Variants in PEPD observed in about 807,000 individuals in gnomAD.
PEPD encodes the protein xaa-Pro dipeptidase.
PEPD carries 53 observed loss-of-function variants against 60.7 expected under a neutral mutation model. The ratio of observed to expected loss-of-function variants is 0.87; its 90% CI spans 0.70 to 1.10. The LOEUF (loss-of-function observed/expected upper bound fraction) is 1.10. Among genes scored for constraint, PEPD ranks in the 50% least tolerant of loss-of-function variants. The pLI is 0.00. For synonymous variants in PEPD, 267 were observed against 284.1 expected (o/e 0.94, Z 0.60); for missense variants, 711 against 711.9 (o/e 1.00, Z 0.01).
intron 9 of PEPD, among the ~76,000 whole-genome samples, chr19:33,428,572 C>A (rs1969201816): frequency 6.6e-6 from 1 of 152,208 alleles, no homozygotes; most frequent in Admixed American, 6.5e-5. Flanking sequence ...CCATCCAAAA[C>A]CACCGTGGGC....
intron 12 of PEPD, among the ~76,000 whole-genome samples, chr19:33,393,525 C>A (rs1349577685): frequency 6.9e-6 from 1 of 145,730 alleles, no homozygotes; most frequent in Non-Finnish European, 1.5e-5. Flanking sequence ...CAAACAGCCC[C>A]ACCTCCGTGA....
At chr19:33,510,312 G>A (rs1473022651) in intron 3 of PEPD, among the ~76,000 whole-genome samples, 1 of 152,192 alleles carries the variant, frequency 6.6e-6, no homozygotes, top group African/African-American at 2.4e-5. Flanking sequence ...AGGCAAGAAG[G>A]AAGGGAGAAG....
chr19:33,442,573 G>A (rs1366269621), intron 9 of PEPD, among the ~76,000 whole-genome samples: 1 of 151,192 alleles, frequency 6.6e-6, no homozygotes, highest in African/African-American at 2.4e-5. Context: ...GCCGGGCGTG[G>A]TGGCACACAC....
intron 6 of PEPD, among the ~76,000 whole-genome samples, chr19:33,486,510 C>T (rs1970399543): frequency 6.6e-6 from 1 of 152,092 alleles, no homozygotes; most frequent in African/African-American, 2.4e-5. Flanking sequence ...AGCCCAGGGG[C>T]CTCAGTCCAC....
Position 33,458,073 on chromosome 19 carries a change from T to TGTGTATG in PEPD, c.671+4921_671+4922insCATACAC, listed in dbSNP as rs1424848960. 8.2e-4 allele frequency among the ~76,000 whole-genome samples: 125 copies of TGTGTATG among 152,034 alleles called. 1 individual carries two copies. The highest frequency in any genetic ancestry group is 8.2e-3 in the Admixed American group (125 of 15,280). On this transcript the variant is annotated intron_variant, in intron 9 of 14. Coordinates refer to ENST00000244137, the MANE Select transcript of PEPD (RefSeq NM_000285.4). ...CATGTGGTGGGTGGCGTGTGTATGG[T>TGTGTATG]GTGTAGTGTGTGTATGGGGATGGTG...
intron 1 of PEPD, 78 bp from the exon 2 acceptor site, chr19:33,512,854 G>T: frequency 1.3e-6 from 2 of 1,529,586 alleles, no homozygotes; most frequent in African/African-American, 1.4e-5. Context: ...AGGTCGGGGT[G>T]ACCGGAGGCC....
chr19:33,429,393 G>A (rs1271706997), intron 9 of PEPD, among the ~76,000 whole-genome samples: 1 of 152,214 alleles, frequency 6.6e-6, no homozygotes, highest in Non-Finnish European at 1.5e-5. Context: ...AAAGACAACA[G>A]GTCACTTAGT....
rs903781564 is a variant in PEPD, at chr19:33,417,830, T to A, written c.672-4187A>T. ...CCTTTAAAACCAAACAGAATCTGCA[T>A]AGGTCCACGGCCCGGACACCCACTC... On this transcript the variant is annotated intron_variant, in intron 9 of 14. Transcript: ENST00000244137. Among the ~76,000 whole-genome samples the A allele has an allele frequency of 2.0e-5, 3 of 152,180 alleles. No individual in the cohort carries two copies. In the East Asian group the frequency reaches 5.8e-4, roughly 29 times the overall value.
chr19:33,414,223 T>A (rs1018916674), intron 9 of PEPD, among the ~76,000 whole-genome samples: 2 of 152,140 alleles, frequency 1.3e-5, no homozygotes, highest in African/African-American at 4.8e-5. Context: ...GGGGCACACA[T>A]CCTGCTTCTC....
At position 33,405,470 on chromosome 19, in the gene PEPD, A is replaced by T. The variant is rs369609601; in HGVS notation, c.819-3601T>A. ...AGAAGCACTGCAGACTCCGATGTGC[A>T]GCTGCCCTGGTCAGTGTCCCAGGCC... On this transcript the variant is annotated intron_variant, in intron 11 of 14. Transcript: ENST00000244137. Among the ~76,000 whole-genome samples the T allele has an allele frequency of 9.2e-5, 14 of 152,376 alleles. No homozygotes were observed. In the East Asian group the frequency reaches 2.3e-3, roughly 25 times the overall value.
At chr19:33,447,689 G>A (rs759921586) in intron 9 of PEPD, among the ~76,000 whole-genome samples, 1 of 152,190 alleles carries the variant, frequency 6.6e-6, no homozygotes, top group South Asian at 2.1e-4. Context: ...GTGGGGCCAG[G>A]CCAGTTTCCC....
intron 12 of PEPD, among the ~76,000 whole-genome samples, chr19:33,395,687 G>C (rs1479274110): frequency 1.3e-5 from 2 of 152,220 alleles, no homozygotes; most frequent in African/African-American, 4.8e-5. Flanking sequence ...CTCCTACCCG[G>C]AGTGTGACAG....
At chr19:33,395,671 C>T (rs1968343221) in intron 12 of PEPD, among the ~76,000 whole-genome samples, 1 of 152,222 alleles carries the variant, frequency 6.6e-6, no homozygotes, top group Non-Finnish European at 1.5e-5. Flanking sequence ...ATCACAGCCC[C>T]GAGGCCTCCT....
At chr19:33,398,696 C>T (rs1158857843) in intron 12 of PEPD, among the ~76,000 whole-genome samples, 2 of 152,238 alleles carry the variant, frequency 1.3e-5, no homozygotes, top group Admixed American at 1.3e-4. Context: ...GAAGGAGTGG[C>T]GCCCCTGGGC....
intron 9 of PEPD, among the ~76,000 whole-genome samples, chr19:33,458,960 G>A (rs570292790): frequency 4.0e-5 from 6 of 151,802 alleles, no homozygotes; most frequent in Admixed American, 1.3e-4. Context: ...CTCGAGGGGC[G>A]CTGGGCACAC....
chr19:33,405,116 G>A (rs1305106673), intron 11 of PEPD, among the ~76,000 whole-genome samples: 1 of 152,202 alleles, frequency 6.6e-6, no homozygotes, highest in African/African-American at 2.4e-5. Context: ...CAAACAACGT[G>A]CTGGCGTCTC....
chr19:33,439,158 G>A (rs1969436390), intron 9 of PEPD, among the ~76,000 whole-genome samples: 1 of 152,234 alleles, frequency 6.6e-6, no homozygotes, highest in Admixed American at 6.5e-5. Context: ...TTTACCCCAC[G>A]TGCTTCCCCT....
intron 7 of PEPD, among the ~76,000 whole-genome samples, chr19:33,467,457 A>G (rs557482771): frequency 6.6e-6 from 1 of 152,282 alleles, no homozygotes; most frequent in East Asian, 1.9e-4. Flanking sequence ...ACAGCAACAG[A>G]AGTCGGGAGG....
intron 7 of PEPD, among the ~76,000 whole-genome samples, chr19:33,472,437 A>G (rs1473076816): frequency 1.3e-5 from 2 of 152,216 alleles, no homozygotes; most frequent in African/African-American, 2.4e-5. Flanking sequence ...GCTCATGGCC[A>G]CGCTGTGGGC....
Sources: gnomAD v4.1 joint callset for allele counts (sites outside exome capture counted in the v4.1 genomes callset) on GRCh38, gnomAD v4.1.1 for gene constraint, MANE v1.5 for transcripts, NCBI Gene and HGNC (gene_info 2026-07-23, HGNC 2026-07-21) for gene names.